The following CSRP1 variants were observed in gnomAD, a reference collection of about 807,000 sequenced individuals.
The protein encoded by CSRP1 is cysteine and glycine rich protein 1, also known as cysteine and glycine-rich protein 1.
In CSRP1, 16 loss-of-function variants were observed where a neutral mutation model predicts 25.4. The ratio of observed to expected loss-of-function variants is 0.63; its 90% CI spans 0.43 to 0.96. CSRP1 has a LOEUF of 0.96. CSRP1 is among the 40% of genes least tolerant of loss of function. The probability of loss-of-function intolerance (pLI) is 0.00; values close to 1 mark genes in which losing one functional copy is unlikely to be tolerated. For missense variants in CSRP1, 212 were observed against 243.6 expected, an observed-to-expected ratio of 0.87 and a Z score of 0.86; for synonymous variants, 97 against 95.3, an observed-to-expected ratio of 1.02 and a Z score of -0.10.
At chr1:201,498,124 C>A (rs188253327) in intron 1 of CSRP1, among the ~76,000 whole-genome samples, 67 of 152,274 alleles carry the variant, frequency 4.4e-4, no homozygotes, top group African/African-American at 1.4e-3. Flanking sequence ...ACACAGAAGT[C>A]CAAGTGATGC....
At chr1:201,506,123 C>T (rs918434220) in intron 1 of CSRP1, among the ~76,000 whole-genome samples, 6 of 152,212 alleles carry the variant, frequency 3.9e-5, no homozygotes, top group Non-Finnish European at 7.3e-5. Flanking sequence ...GCCTTCCAAA[C>T]AATCCCACCA....
intron 1 of CSRP1, 64 bp from the exon 2 acceptor site, chr1:201,496,368 AC>A: frequency 7.5e-7 from 1 of 1,331,664 alleles, no homozygotes; most frequent in Non-Finnish European, 1.1e-6. Context: ...CAGATTGTCC[AC>A]GACAGAAATG....
chr1:201,496,387 C>A, intron 1 of CSRP1, 83 bp from the exon 2 acceptor site: 1 of 1,172,618 alleles, frequency 8.5e-7, no homozygotes. Flanking sequence ...ATGCAACAGC[C>A]AGATCCAGAG....
Position 201,484,148 on chromosome 1 carries a change from G to C in CSRP1, c.*565C>G, listed in dbSNP as rs1405197536. The C allele has an allele frequency of 6.2e-6, 4 of 646,946 alleles. No individual in the cohort carries two copies. The Admixed American group carries it at 8.3e-5, about 13-fold the overall frequency. The allele number at this position is 646,946 out of a possible 1,614,324, so 40.1% of individuals were successfully genotyped here. On this transcript the variant is annotated 3_prime_UTR_variant, in exon 6 of 6. Transcript: ENST00000340006. ...AGGCAAGAGGCCTGGAGAAGCAGGG[G>C]CTCCTAGGACCCTGCCTGCATGCCT...
In CSRP1 at chr1:201,483,558, AT is replaced by A. The variant is rs1302106963; in HGVS notation, c.*1154del. 1.2e-5 allele frequency: 2 copies of A among 165,052 alleles called. No individual in the cohort carries two copies. The highest frequency in any genetic ancestry group is 4.8e-5 in the African/African-American group (2 of 42,052). 10.2% of individuals were successfully genotyped at this position (165,052 alleles called of 1,614,324 possible). ...TGGTCTAAACAGCTTTATTGACCAGATGAGAAATCAGCTTGGGTACAGCCCA... is the reference window on the plus strand; with the variant it reads ...TGGTCTAAACAGCTTTATTGACCAGAGAGAAATCAGCTTGGGTACAGCCCA... On this transcript the variant is annotated 3_prime_UTR_variant, in exon 6 of 6. Coordinates refer to ENST00000340006, the MANE Select transcript of CSRP1 (RefSeq NM_004078.3).
intron 2 of CSRP1, 125 bp from the exon 3 acceptor site, chr1:201,490,469 G>T: frequency 9.9e-7 from 1 of 1,006,596 alleles, no homozygotes; most frequent in Non-Finnish European, 1.4e-6. Context: ...GATCTTTCAG[G>T]AACTGTCTAC....
At chr1:201,490,991 T>C (rs1034159230) in intron 2 of CSRP1, 2 of 152,220 alleles carry the variant, frequency 1.3e-5, no homozygotes, top group Admixed American at 6.5e-5. Flanking sequence ...GAAGTGAGGG[T>C]CAGACACAGA....
rs1350051769 is a variant in CSRP1, at chr1:201,483,560, G to A, written c.*1153C>T. 6.0e-6 allele frequency: 1 copy of A among 165,516 alleles called. No individual in the cohort carries two copies. The highest frequency in any genetic ancestry group is 2.4e-5 in the African/African-American group (1 of 42,096). The allele number at this position is 165,516 out of a possible 1,614,324, so 10.3% of individuals were successfully genotyped here. On this transcript the variant is annotated 3_prime_UTR_variant, in exon 6 of 6. Coordinates refer to ENST00000340006, the MANE Select transcript of CSRP1 (RefSeq NM_004078.3). The stretch of plus-strand genomic sequence containing the variant: ...GTCTAAACAGCTTTATTGACCAGAT[G>A]AGAAATCAGCTTGGGTACAGCCCAT...
intron 2 of CSRP1, among the ~76,000 whole-genome samples, chr1:201,494,651 A>G (rs1036443503): frequency 2.6e-5 from 4 of 152,222 alleles, no homozygotes; most frequent in Middle Eastern, 3.2e-3. Flanking sequence ...TCCATTGAAC[A>G]GGTGGCTCTT....
intron 4 of CSRP1, 100 bp from the exon 5 acceptor site, chr1:201,485,476 A>G (rs952114495): frequency 1.9e-6 from 2 of 1,050,258 alleles, no homozygotes; most frequent in Admixed American, 3.8e-5. Flanking sequence ...TAAGGGCTCA[A>G]GCCACTTCTG....
intron 1 of CSRP1, among the ~76,000 whole-genome samples, chr1:201,498,602 C>T (rs974979683): frequency 1.3e-5 from 2 of 152,216 alleles, no homozygotes; most frequent in East Asian, 1.9e-4. Context: ...TACTGGAGAG[C>T]TCCCATTTGA....
intron 1 of CSRP1, among the ~76,000 whole-genome samples, chr1:201,498,655 T>C (rs1261503845): frequency 1.3e-5 from 2 of 152,194 alleles, no homozygotes; most frequent in South Asian, 2.1e-4. Context: ...CAGGTCACGT[T>C]CACCACTCTG....
At position 201,484,233 on chromosome 1, in the gene CSRP1, C is replaced by G. The variant is rs1664060434; in HGVS notation, c.*480G>C. 9 of 510,298 alleles carry G rather than the reference C, an allele frequency of 1.8e-5. No individual in the cohort carries two copies. The highest frequency in any genetic ancestry group is 3.2e-5 in the Non-Finnish European group (9 of 283,996). 31.6% of individuals were successfully genotyped at this position (510,298 alleles called of 1,614,324 possible). A position where few individuals can be genotyped will look rare whatever the true frequency, so the allele number is the denominator to read the frequency against. On this transcript the variant is annotated 3_prime_UTR_variant, in exon 6 of 6. Transcript: ENST00000340006. ...TCCTCAGGCTTACTCTGAGGGACACCAGGAAGCTCAACCTCTTTCCCACAG... is the reference window on the plus strand; with the variant it reads ...TCCTCAGGCTTACTCTGAGGGACACGAGGAAGCTCAACCTCTTTCCCACAG...
chr1:201,498,596 GGA>G (rs1382508733), intron 1 of CSRP1, among the ~76,000 whole-genome samples: 1 of 152,216 alleles, frequency 6.6e-6, no homozygotes, highest in Non-Finnish European at 1.5e-5. Context: ...CTCCATTACT[GGA>G]GAGCTCCCAT....
chr1:201,488,814 A>T, intron 4 of CSRP1, 41 bp downstream of exon 4: 1 of 1,603,680 alleles, frequency 6.2e-7, no homozygotes, highest in Non-Finnish European at 8.5e-7. Context: ...TTTCAGGAAG[A>T]TATCTCCCCC....
At position 201,490,287 on chromosome 1, in the gene CSRP1, T is replaced by C. The variant is rs766251372; in HGVS notation, c.170A>G (p.Tyr57Cys). The change falls in exon 3 of 6, where the codon TAC (tyrosine) becomes TGC (cysteine). Residue 57 changes from tyrosine (Y) to cysteine (C), a missense_variant. Physicochemically the swap from Tyr to Cys is radical, Grantham distance 194. Transcript: ENST00000340006. ...CTTCTTGCCGTAGCAGGACTTGCAG[T>C]AAATCTCCTCACCATGCACGGCCAC... The part of the protein sequence containing the change: ...TTVAVHGEEI[Y>C]CKSCYGKKYG... 7.4e-6 allele frequency: 12 copies of C among 1,614,044 alleles called. No homozygotes were observed. The highest frequency in any genetic ancestry group is 9.3e-6 in the Non-Finnish European group (11 of 1,180,040).
chr1:201,492,682 G>A (rs1664374767), intron 2 of CSRP1: 1 of 152,236 alleles, frequency 6.6e-6, no homozygotes, highest in Non-Finnish European at 1.5e-5. Flanking sequence ...CTCAGAAATA[G>A]AGAATGATTC....
At position 201,488,814 on chromosome 1, in the gene CSRP1, A is replaced by G. The variant is rs3738284; in HGVS notation, c.411+41T>C. 173 of 1,603,680 alleles carry G rather than the reference A, an allele frequency of 1.1e-4. No individual in the cohort carries two copies. In the East Asian group the frequency reaches 3.8e-3, roughly 35 times the overall value. ...GTTCTGGAATCCACATTTCAGGAAG[A>G]TATCTCCCCCCATCCCTCTCATGCC... On this transcript the variant is annotated intron_variant, in intron 4 of 5. Transcript: ENST00000340006.
intron 1 of CSRP1, among the ~76,000 whole-genome samples, chr1:201,505,654 CAA>C (rs1226616522): frequency 6.6e-6 from 1 of 152,230 alleles, no homozygotes; most frequent in East Asian, 1.9e-4. Flanking sequence ...CTCTCCAAGG[CAA>C]AGAGTCATTC....
Sources: allele counts gnomAD v4.1 joint callset (sites outside exome capture counted in the v4.1 genomes callset), GRCh38; gene constraint gnomAD v4.1.1; transcripts MANE v1.5; gene names NCBI Gene and HGNC (gene_info 2026-07-23, HGNC 2026-07-21).